FAM168A: variants seen among roughly 807,000 people sequenced by gnomAD.
FAM168A encodes family with sequence similarity 168 member A.
FAM168A carries 3 observed loss-of-function variants against 28.5 expected under a neutral mutation model. The ratio of observed to expected loss-of-function variants is 0.11; its 90% CI spans 0.05 to 0.27. The LOEUF (loss-of-function observed/expected upper bound fraction) is 0.27, where lower values mean the gene tolerates loss of function less well. Among genes scored for constraint, FAM168A ranks in the 10% least tolerant of loss-of-function variants. FAM168A has a pLI of 1.00. For synonymous variants in FAM168A, 122 were observed against 124.2 expected (o/e 0.98, Z 0.12); for missense variants, 222 against 311.5 (o/e 0.71, Z 2.16).
At chr11:73,545,495 A>C (rs895050354) in intron 1 of FAM168A, among the ~76,000 whole-genome samples, 9 of 152,074 alleles carry the variant, frequency 5.9e-5, no homozygotes, top group African/African-American at 2.2e-4. Flanking sequence ...ATAGGTAACG[A>C]AAATATTCTA....
At chr11:73,467,001 A>G (rs1456558353) in intron 2 of FAM168A, among the ~76,000 whole-genome samples, 3 of 152,150 alleles carry the variant, frequency 2.0e-5, no homozygotes, top group African/African-American at 7.2e-5. Flanking sequence ...AAAAAATCCA[A>G]AAGTACAGAG....
intron 1 of FAM168A, among the ~76,000 whole-genome samples, chr11:73,486,432 C>T (rs987009796): frequency 6.6e-6 from 1 of 152,122 alleles, no homozygotes; most frequent in Non-Finnish European, 1.5e-5. Context: ...AACTAAGAAC[C>T]TAATTTAAGA....
intron 1 of FAM168A, among the ~76,000 whole-genome samples, chr11:73,471,577 T>C (rs1307811538): frequency 6.6e-6 from 1 of 152,148 alleles, no homozygotes; most frequent in African/African-American, 2.4e-5. Flanking sequence ...ATGAATAAAA[T>C]CCAAACTCTT....
At chr11:73,595,455 G>T (rs1006891772) in intron 1 of FAM168A, among the ~76,000 whole-genome samples, 2 of 152,100 alleles carry the variant, frequency 1.3e-5, no homozygotes, top group Non-Finnish European at 2.9e-5. Context: ...AAAATAAAAA[G>T]AATTATTTCG....
At chr11:73,474,467 A>G (rs969328866) in intron 1 of FAM168A, among the ~76,000 whole-genome samples, 1 of 152,060 alleles carries the variant, frequency 6.6e-6, no homozygotes, top group Non-Finnish European at 1.5e-5. Context: ...TCTCCCAAGT[A>G]GCTCCCTGAA....
chr11:73,576,498 A>C (rs974659187), intron 1 of FAM168A, among the ~76,000 whole-genome samples: 5 of 152,230 alleles, frequency 3.3e-5, no homozygotes, highest in Non-Finnish European at 7.3e-5. Flanking sequence ...ACTGCAGCAA[A>C]GAGGTGAAAA....
intron 2 of FAM168A, among the ~76,000 whole-genome samples, chr11:73,439,316 A>G (rs922290247): frequency 6.6e-6 from 1 of 152,174 alleles, no homozygotes; most frequent in Non-Finnish European, 1.5e-5. Flanking sequence ...ACAGGAGGAA[A>G]TATCCAGTAA....
At chr11:73,523,407 T>C (rs1943409692) in intron 1 of FAM168A, among the ~76,000 whole-genome samples, 1 of 152,070 alleles carries the variant, frequency 6.6e-6, no homozygotes, top group Admixed American at 6.5e-5. Flanking sequence ...GTGATCCTCC[T>C]ACCTCTGCCT....
At chr11:73,551,367 A>G (rs895223762) in intron 1 of FAM168A, among the ~76,000 whole-genome samples, 1 of 152,172 alleles carries the variant, frequency 6.6e-6, no homozygotes, top group African/African-American at 2.4e-5. Flanking sequence ...AAGTAATGAG[A>G]CAGGAAGTAT....
At chr11:73,456,588 G>A (rs966050859) in intron 2 of FAM168A, among the ~76,000 whole-genome samples, 2 of 152,276 alleles carry the variant, frequency 1.3e-5, no homozygotes, top group Admixed American at 6.5e-5. Context: ...TTTATGCAAT[G>A]CTAACAAACT....
intron 1 of FAM168A, among the ~76,000 whole-genome samples, chr11:73,488,197 C>T (rs1319833706): frequency 6.6e-6 from 1 of 151,324 alleles, no homozygotes; most frequent in Non-Finnish European, 1.5e-5. Flanking sequence ...ATGGCACGAT[C>T]TTGGCTCACC....
chr11:73,464,134 T>C (rs1032689431), intron 2 of FAM168A, among the ~76,000 whole-genome samples: 1 of 151,540 alleles, frequency 6.6e-6, no homozygotes, highest in Non-Finnish European at 1.5e-5. Context: ...AGTGTGACCT[T>C]AGAGAAGCTT....
intron 6 of FAM168A, among the ~76,000 whole-genome samples, chr11:73,408,736 G>A (rs556279996): frequency 2.1e-3 from 320 of 150,226 alleles, no homozygotes; most frequent in Admixed American, 4.5e-3. Context: ...GGCCAAGATC[G>A]TGCCACTGCA....
chr11:73,482,282 A>G (rs1220221859), intron 1 of FAM168A, among the ~76,000 whole-genome samples: 1 of 149,654 alleles, frequency 6.7e-6, no homozygotes, highest in East Asian at 2.0e-4. Context: ...GGTTGTGGAC[A>G]GGGCTCTGAG....
intron 1 of FAM168A, among the ~76,000 whole-genome samples, chr11:73,487,280 T>C (rs547936641): frequency 6.6e-6 from 1 of 152,160 alleles, no homozygotes; most frequent in Non-Finnish European, 1.5e-5. Context: ...CTCCTATGAA[T>C]GTCCCCTGCT....
chr11:73,580,721 G>A (rs1944232566), intron 1 of FAM168A, among the ~76,000 whole-genome samples: 1 of 152,196 alleles, frequency 6.6e-6, no homozygotes, highest in African/African-American at 2.4e-5. Flanking sequence ...GGATTGATGT[G>A]GGGAAAACAC....
chr11:73,577,456 A>C (rs1230402503), intron 1 of FAM168A, among the ~76,000 whole-genome samples: 1 of 152,226 alleles, frequency 6.6e-6, no homozygotes, highest in Non-Finnish European at 1.5e-5. Context: ...CCAATTTAAA[A>C]TACTTATATT....
intron 1 of FAM168A, among the ~76,000 whole-genome samples, chr11:73,560,595 A>G (rs535496574): frequency 2.0e-5 from 3 of 152,354 alleles, no homozygotes; most frequent in Admixed American, 6.5e-5. Flanking sequence ...AAACAAATGT[A>G]CTCACTCAGA....
chr11:73,493,141 AC>A (rs754522676), intron 1 of FAM168A, among the ~76,000 whole-genome samples: 1 of 152,046 alleles, frequency 6.6e-6, no homozygotes, highest in African/African-American at 2.4e-5. Context: ...CATGTAACAA[AC>A]CTGAACATGT....
Sources: allele counts gnomAD v4.1 joint callset (sites outside exome capture counted in the v4.1 genomes callset), GRCh38; gene constraint gnomAD v4.1.1; transcripts MANE v1.5; gene names NCBI Gene and HGNC (gene_info 2026-07-23, HGNC 2026-07-21).